The following MAPKAP1 variants were observed in gnomAD, a reference collection of about 807,000 sequenced individuals.
The protein encoded by MAPKAP1 is MAPK associated protein 1, also known as target of rapamycin complex 2 subunit MAPKAP1.
In MAPKAP1, 20 loss-of-function variants were observed where a neutral mutation model predicts 65.7. That is an observed-to-expected ratio of 0.30 (90% CI 0.21 to 0.44). The LOEUF (loss-of-function observed/expected upper bound fraction) is 0.44, where lower values mean the gene tolerates loss of function less well. MAPKAP1 is among the 20% of genes least tolerant of loss of function. MAPKAP1 has a pLI of 1.00. For synonymous variants in MAPKAP1, 222 were observed against 244.3 expected (o/e 0.91, Z 0.85); for missense variants, 423 against 648.0 (o/e 0.65, Z 3.77).
intron 7 of MAPKAP1, among the ~76,000 whole-genome samples, chr9:125,529,494 G>C (rs1483367619): frequency 8.4e-6 from 1 of 119,724 alleles, no homozygotes; most frequent in Non-Finnish European, 1.7e-5. Flanking sequence ...GCTATTAAAA[G>C]TAGTGTGCCA....
intron 10 of MAPKAP1, among the ~76,000 whole-genome samples, chr9:125,461,353 T>G (rs972112694): frequency 1.3e-5 from 2 of 152,190 alleles, no homozygotes; most frequent in African/African-American, 2.4e-5. Flanking sequence ...TAAATCAAAA[T>G]GCACTAAGCA....
Position 125,484,447 on chromosome 9 carries a change from C to T in MAPKAP1, c.1203G>A (p.Gln401=). 1.2e-6 allele frequency: 2 copies of T among 1,609,504 alleles called. No individual in the cohort carries two copies. The highest frequency in any genetic ancestry group is 1.7e-6 in the Non-Finnish European group (2 of 1,177,786). ...ATCACCTGCTCACACACTTACCTAG[C>T]TGTACGTCGGTTGTGAATCGCAGTC... ...IHRLRFTTDV[Q]LGISGDKVEI... The change falls in exon 9 of 12, where the codon CAG becomes CAA. Residue 401 remains glutamine (Q), a synonymous_variant. Coordinates refer to ENST00000265960, the MANE Select transcript of MAPKAP1 (RefSeq NM_001006617.3).
At chr9:125,647,688 T>A (rs546608508) in intron 4 of MAPKAP1, among the ~76,000 whole-genome samples, 17 of 152,216 alleles carry the variant, frequency 1.1e-4, no homozygotes, top group Admixed American at 1.1e-3. Flanking sequence ...GCTCTTGTCT[T>A]TTAAGTTCCC....
At chr9:125,612,212 G>C (rs182346010) in intron 4 of MAPKAP1, among the ~76,000 whole-genome samples, 1 of 152,090 alleles carries the variant, frequency 6.6e-6, no homozygotes, top group Non-Finnish European at 1.5e-5. Flanking sequence ...TTCAGAGTAA[G>C]AATGCTCAAC....
chr9:125,473,069 T>C (rs1315551141), intron 9 of MAPKAP1, among the ~76,000 whole-genome samples: 1 of 151,858 alleles, frequency 6.6e-6, no homozygotes, highest in African/African-American at 2.4e-5. Flanking sequence ...TAGCAGTTCT[T>C]CAGCAGAACT....
At chr9:125,558,673 A>G (rs918306979) in intron 6 of MAPKAP1, among the ~76,000 whole-genome samples, 1 of 152,156 alleles carries the variant, frequency 6.6e-6, no homozygotes, top group African/African-American at 2.4e-5. Flanking sequence ...CAGCCATGAG[A>G]AGGACTGCTG....
intron 6 of MAPKAP1, among the ~76,000 whole-genome samples, chr9:125,554,529 T>TTACA (rs1156922326): frequency 0.011 from 1,658 of 152,286 alleles, 36 homozygotes; most frequent in African/African-American, 0.037. Flanking sequence ...TTAGGAGCGG[T>TTACA]GGCTCATGCC....
At chr9:125,597,230 A>C (rs1216292810) in intron 4 of MAPKAP1, among the ~76,000 whole-genome samples, 1 of 130,938 alleles carries the variant, frequency 7.6e-6, no homozygotes, top group Non-Finnish European at 1.5e-5. Context: ...GTGCCACTGC[A>C]CTCCAGCCTG....
At chr9:125,656,294 G>A (rs975680731) in intron 4 of MAPKAP1, among the ~76,000 whole-genome samples, 3 of 152,012 alleles carry the variant, frequency 2.0e-5, no homozygotes, top group African/African-American at 7.3e-5. Flanking sequence ...TGTCCCCTGG[G>A]GGAACTTCCT....
intron 7 of MAPKAP1, among the ~76,000 whole-genome samples, chr9:125,520,951 G>A (rs2133114876): frequency 1.3e-5 from 2 of 152,258 alleles, no homozygotes; most frequent in East Asian, 3.9e-4. Context: ...ATCCCCATCA[G>A]TCTGGTTCTC....
chr9:125,703,266 C>A (rs1164739785), intron 1 of MAPKAP1, among the ~76,000 whole-genome samples: 1 of 152,134 alleles, frequency 6.6e-6, no homozygotes, highest in Non-Finnish European at 1.5e-5. Flanking sequence ...TCAAACAGAA[C>A]AATAATAATA....
At chr9:125,668,819 C>T (rs1273258318) in intron 3 of MAPKAP1, among the ~76,000 whole-genome samples, 1 of 152,160 alleles carries the variant, frequency 6.6e-6, no homozygotes, top group East Asian at 1.9e-4. Context: ...TGTTACTAGG[C>T]CCACTAATGG....
At chr9:125,511,806 G>A (rs992903462) in intron 7 of MAPKAP1, among the ~76,000 whole-genome samples, 1 of 152,164 alleles carries the variant, frequency 6.6e-6, no homozygotes, top group South Asian at 2.1e-4. Context: ...TCACAGCTGC[G>A]CATGAAGCCG....
At chr9:125,662,844 C>A (rs555611621) in intron 3 of MAPKAP1, among the ~76,000 whole-genome samples, 133 of 151,690 alleles carry the variant, frequency 8.8e-4, no homozygotes, top group African/African-American at 3.0e-3. Flanking sequence ...AGTAGTAGTG[C>A]CACAGTTTCC....
intron 7 of MAPKAP1, among the ~76,000 whole-genome samples, chr9:125,533,746 G>A (rs973960322): frequency 6.6e-6 from 1 of 152,126 alleles, no homozygotes; most frequent in South Asian, 2.1e-4. Context: ...ACTACGCTCG[G>A]CCAGGCATAA....
chr9:125,587,788 A>C (rs1831833411), intron 4 of MAPKAP1, among the ~76,000 whole-genome samples: 1 of 152,218 alleles, frequency 6.6e-6, no homozygotes. Context: ...AGATACACAA[A>C]TGACCAATAA....
At chr9:125,635,779 T>C (rs1259437881) in intron 4 of MAPKAP1, among the ~76,000 whole-genome samples, 3 of 152,194 alleles carry the variant, frequency 2.0e-5, no homozygotes, top group African/African-American at 7.2e-5. Context: ...AGGTAAGTCT[T>C]TATACAGAAA....
chr9:125,538,477 T>TTAC (rs1830136880), intron 7 of MAPKAP1, among the ~76,000 whole-genome samples: 1 of 152,188 alleles, frequency 6.6e-6, no homozygotes, highest in East Asian at 1.9e-4. Flanking sequence ...ATGGTGCCAC[T>TTAC]TACTGTGCAG....
chr9:125,467,473 G>A (rs761328851), intron 10 of MAPKAP1, among the ~76,000 whole-genome samples: 22 of 152,234 alleles, frequency 1.4e-4, no homozygotes, highest in Non-Finnish European at 3.1e-4. Flanking sequence ...TGAGCTGGTA[G>A]GTCATGCAGC....
Sources: gnomAD v4.1 joint callset for allele counts (sites outside exome capture counted in the v4.1 genomes callset) on GRCh38, gnomAD v4.1.1 for gene constraint, MANE v1.5 for transcripts, NCBI Gene and HGNC (gene_info 2026-07-23, HGNC 2026-07-21) for gene names.